The following ZMIZ2 variants were observed in gnomAD, a reference collection of about 807,000 sequenced individuals.
ZMIZ2 encodes the protein zinc finger MIZ domain-containing protein 2.
A neutral mutation model predicts 93.9 loss-of-function variants in ZMIZ2; 26 were observed. The observed-to-expected ratio is 0.28, with a 90% CI of 0.20 to 0.38. ZMIZ2 has a LOEUF of 0.38. Among genes scored for constraint, ZMIZ2 ranks in the 10% least tolerant of loss-of-function variants. ZMIZ2 has a pLI of 1.00. For synonymous variants in ZMIZ2, 485 were observed against 516.4 expected (o/e 0.94, Z 0.82); for missense variants, 1,023 against 1,235.0 (o/e 0.83, Z 2.57).
intron 1 of ZMIZ2, among the ~76,000 whole-genome samples, chr7:44,755,633 G>A (rs1027152210): frequency 6.6e-6 from 1 of 152,128 alleles, no homozygotes; most frequent in Non-Finnish European, 1.5e-5. Flanking sequence ...TGTGATCACC[G>A]CACCCCTGCA....
chr7:44,763,610 T>C lies in ZMIZ2; in HGVS notation c.1860+197T>C. On this transcript the variant is annotated intron_variant, in intron 13 of 18. Coordinates refer to ENST00000309315, the MANE Select transcript of ZMIZ2 (RefSeq NM_031449.4). This position sits in a 1 kb window ranked among gnomAD's most constrained non-coding sequence, Gnocchi z 5.6. ...AGGCTATTTTTTCTTCCAAATATAA[T>C]TGTCATTTTACTAACTTTTTTACTG... The C allele has an allele frequency of 1.5e-6, 1 of 681,994 alleles. No individual in the cohort carries two copies. The highest frequency in any genetic ancestry group is 2.9e-5 in the East Asian group (1 of 34,350). 42.2% of individuals were successfully genotyped at this position (681,994 alleles called of 1,614,324 possible). A position where few individuals can be genotyped will look rare whatever the true frequency, so the allele number is the denominator to read the frequency against.
chr7:44,760,571 C>T lies in ZMIZ2; in HGVS notation c.1218C>T (p.Asn406=), dbSNP rs765313527. 3 of 1,614,072 alleles carry T rather than the reference C, an allele frequency of 1.9e-6. No individual in the cohort carries two copies. The highest frequency in any genetic ancestry group is 1.7e-6 in the Non-Finnish European group (2 of 1,180,004). ...PFLPDLKPNL[N]SLHSSPSGSG... ...TGCCTGATCTCAAGCCCAACCTCAA[C>T]TCCTTGCACTCATCGCCCTCTGGTA... The change falls in exon 9 of 19, where the codon AAC becomes AAT. Residue 406 remains asparagine (N), a synonymous_variant. Coordinates refer to ENST00000309315, the MANE Select transcript of ZMIZ2 (RefSeq NM_031449.4).
In ZMIZ2 at chr7:44,760,545, T is replaced by A. The variant is rs760504115; in HGVS notation, c.1192T>A (p.Leu398Met). ...SPNQEVKSPF[L>M]PDLKPNLNSL... ...AAACCAAGAGGTCAAGTCTCCCTTCTTGCCTGATCTCAAGCCCAACCTCAA... is the reference window on the plus strand; with the variant it reads ...AAACCAAGAGGTCAAGTCTCCCTTCATGCCTGATCTCAAGCCCAACCTCAA... The change falls in exon 9 of 19, where the codon TTG (leucine) becomes ATG (methionine). Residue 398 changes from leucine (L) to methionine (M), a missense_variant. By Grantham distance (15) the Leu-to-Met change is conservative. Transcript: ENST00000309315. 1 of 1,614,106 alleles carries A rather than the reference T, an allele frequency of 6.2e-7. No individual in the cohort carries two copies. Among genetic ancestry groups the A allele is most frequent in the Non-Finnish European group, 8.5e-7 (1 of 1,180,008 alleles).
intron 18 of ZMIZ2, among the ~76,000 whole-genome samples, chr7:44,767,180 G>A (rs1791798490): frequency 6.6e-6 from 1 of 152,122 alleles, no homozygotes; most frequent in African/African-American, 2.4e-5. Context: ...TTCACCTTGG[G>A]GCATCACGGT....
chr7:44,765,413 G>A lies in ZMIZ2; in HGVS notation c.2076G>A (p.Lys692=). ...CCGTGAAGCCTGACATGCACATCAA[G>A]GAGGAGCCGGATGGGCCAGCACTGA... The part of the protein sequence containing the change: ...PVPVKPDMHI[K]EEPDGPALKR... The change falls in exon 16 of 19, where the codon AAG becomes AAA. Residue 692 remains lysine (K), a synonymous_variant. Coordinates refer to ENST00000309315, the MANE Select transcript of ZMIZ2 (RefSeq NM_031449.4). This position sits in a 1 kb window ranked among gnomAD's most constrained non-coding sequence, Gnocchi z 4.1. 3 of 1,612,210 alleles carry A rather than the reference G, an allele frequency of 1.9e-6. No homozygotes were observed. Among genetic ancestry groups the A allele is most frequent in the Non-Finnish European group, 1.7e-6 (2 of 1,180,000 alleles).
At position 44,763,435 on chromosome 7, in the gene ZMIZ2, T is replaced by C. The variant is rs1006816979; in HGVS notation, c.1860+22T>C. ...ACAGGTAGGTGGTTACTGCAGAGTC[T>C]TGCCGGAATTTGCTGCTGCTAAAAT... On this transcript the variant is annotated intron_variant, in intron 13 of 18. Transcript: ENST00000309315. The surrounding 1 kb of genome is among the most constrained non-coding windows in gnomAD (Gnocchi z 5.6). 1 of 1,611,936 alleles carries C rather than the reference T, an allele frequency of 6.2e-7. No individual in the cohort carries two copies. The highest frequency in any genetic ancestry group is 8.5e-7 in the Non-Finnish European group (1 of 1,178,386).
chr7:44,756,542 A>G lies in ZMIZ2; in HGVS notation c.165+3A>G, dbSNP rs1467601335. 6.2e-7 allele frequency: 1 copy of G among 1,613,898 alleles called. No individual in the cohort carries two copies. Among genetic ancestry groups the G allele is most frequent in the Non-Finnish European group, 8.5e-7 (1 of 1,179,974 alleles). Reference sequence around the variant, plus strand: ...TTGGCAACGCGACACAGAGCCAGGTAAGCACCCACTGGTGCCCCACCCCCG... The same window carrying G: ...TTGGCAACGCGACACAGAGCCAGGTGAGCACCCACTGGTGCCCCACCCCCG... On this transcript the variant is annotated splice_donor_region_variant and intron_variant, in intron 3 of 18. Coordinates refer to ENST00000309315, the MANE Select transcript of ZMIZ2 (RefSeq NM_031449.4).
In ZMIZ2 at chr7:44,756,289, G is replaced by GAA. The variant is rs1304043404; in HGVS notation, c.40_41insAA (p.Ala14GlufsTer60). ...CCCCATGAAACCTGCCCTGCCCCCT[G>GAA]CGCCACACGGGTGAGTGTGGGCTCC... On this transcript the variant is annotated frameshift_variant, in exon 2 of 19. Transcript: ENST00000309315. LOFTEE classifies it high-confidence loss of function. 1 of 1,613,860 alleles carries GAA rather than the reference G, an allele frequency of 6.2e-7. No individual in the cohort carries two copies. The highest frequency in any genetic ancestry group is 1.3e-5 in the African/African-American group (1 of 74,916).
chr7:44,759,866 A>G (rs1790990962), intron 7 of ZMIZ2: 1 of 521,784 alleles, frequency 1.9e-6, no homozygotes, highest in Non-Finnish European at 3.4e-6. Context: ...TTCTGGGTGC[A>G]TGGGCAGAGC....
chr7:44,761,599 C>G lies in ZMIZ2; in HGVS notation c.1385+6C>G. 1 of 1,613,940 alleles carries G rather than the reference C, an allele frequency of 6.2e-7. No homozygotes were observed. Among genetic ancestry groups the G allele is most frequent in the Non-Finnish European group, 8.5e-7 (1 of 1,179,948 alleles). On this transcript the variant is annotated splice_donor_region_variant and intron_variant, in intron 10 of 18. Transcript: ENST00000309315. The surrounding 1 kb of genome is among the most constrained non-coding windows in gnomAD (Gnocchi z 5.8). Reference sequence around the variant, plus strand: ...TACAAGACCCTGATAATGAGGTGAGCTCCGCCTGGCCCCCACCTGACCCCC... The same window carrying G: ...TACAAGACCCTGATAATGAGGTGAGGTCCGCCTGGCCCCCACCTGACCCCC...
Position 44,757,369 on chromosome 7 carries a change from C to G in ZMIZ2, c.369-9C>G, listed in dbSNP as rs762654910. ...CGCAGAGAGCGTGGCAATCCTGTGT[C>G]TCCTGCAGGTATGCAGGCGGCCCGG... On this transcript the variant is annotated splice_polypyrimidine_tract_variant and intron_variant, in intron 4 of 18. Transcript: ENST00000309315. 5 of 1,597,822 alleles carry G rather than the reference C, an allele frequency of 3.1e-6. No individual in the cohort carries two copies. In the South Asian group the frequency reaches 5.5e-5, roughly 18 times the overall value.
intron 7 of ZMIZ2, 158 bp downstream of exon 7, chr7:44,759,618 A>AGATGGGG: frequency 7.2e-6 from 1 of 138,440 alleles, no homozygotes; most frequent in Non-Finnish European, 1.3e-5. Context: ...GCTCTACAGG[A>AGATGGGG]GATGGGGGGT....
chr7:44,750,506 G>A (rs1790043538), intron 1 of ZMIZ2, among the ~76,000 whole-genome samples: 1 of 152,164 alleles, frequency 6.6e-6, no homozygotes, highest in African/African-American at 2.4e-5. Flanking sequence ...CTGCAATCTT[G>A]GAGACAGTGA....
At chr7:44,759,851 AC>A in intron 7 of ZMIZ2, 2 of 501,778 alleles carry the variant, frequency 4.0e-6, no homozygotes, top group South Asian at 4.8e-5. Flanking sequence ...CTGGCCATGT[AC>A]CCTTTCTGGG....
chr7:44,767,457 T>C, intron 18 of ZMIZ2, 59 bp from the exon 19 acceptor site: 8 of 1,363,654 alleles, frequency 5.9e-6, no homozygotes, highest in Non-Finnish European at 8.4e-6. Flanking sequence ...GACAGGATGG[T>C]CACTCAGGTG....
chr7:44,766,610 A>G lies in ZMIZ2; in HGVS notation c.2602A>G (p.Met868Val), dbSNP rs749486711. The change falls in exon 18 of 19, where the codon ATG becomes GTG. Residue 868 changes from methionine to valine, a missense_variant. Transcript: ENST00000309315. This position sits in a 1 kb window ranked among gnomAD's most constrained non-coding sequence, Gnocchi z 4.4. Reference sequence around the variant, plus strand: ...GGCCTTCAGTCCTGCCACAGGCGTGATGGGGCCCCCCAGCATGTCTGGAGC... The same window carrying G: ...GGCCTTCAGTCCTGCCACAGGCGTGGTGGGGCCCCCCAGCATGTCTGGAGC... ...ELAFSPATGV[M>V]GPPSMSGAGE... 30 of 1,613,268 alleles carry G rather than the reference A, an allele frequency of 1.9e-5. No homozygotes were observed. Among genetic ancestry groups the G allele is most frequent in the Non-Finnish European group, 2.4e-5 (28 of 1,180,006 alleles).
chr7:44,756,064 A>G (rs1371607938), intron 1 of ZMIZ2, 124 bp from the exon 2 acceptor site: 6 of 743,036 alleles, frequency 8.1e-6, no homozygotes, highest in African/African-American at 3.5e-5. Flanking sequence ...CTTGCCTGCC[A>G]TCAGAGCCCA....
At position 44,757,484 on chromosome 7, in the gene ZMIZ2, A is replaced by G; in HGVS notation, c.475A>G (p.Thr159Ala). 6.2e-7 allele frequency: 1 copy of G among 1,603,346 alleles called. No homozygotes were observed. The highest frequency in any genetic ancestry group is 8.5e-7 in the Non-Finnish European group (1 of 1,176,768). Residue 159 changes from threonine to alanine, a missense_variant, in exon 5 of 19, where the codon ACT becomes GCT. Transcript: ENST00000309315. ...TGCAGCTGTGGCTGCTGCGGCAGCC[A>G]CTGCCACCGCCACAGCCACAGCCAC... ...AAAAVAAAAA[T>A]ATATATATVA...
rs1180366585 is a variant in ZMIZ2 at position 44,763,048 on chromosome 7, A to G, written c.1702+62A>G. Reference sequence around the variant, plus strand: ...TCCCCATTCTGTGTGGCCCAAGCCCAACAATCCTCCTTGTGGGCACCTCCT... The same window carrying G: ...TCCCCATTCTGTGTGGCCCAAGCCCGACAATCCTCCTTGTGGGCACCTCCT... On this transcript the variant is annotated intron_variant, in intron 12 of 18. Transcript: ENST00000309315. The surrounding 1 kb of genome is among the most constrained non-coding windows in gnomAD (Gnocchi z 5.6). 1 of 1,534,886 alleles carries G rather than the reference A, an allele frequency of 6.5e-7. No homozygotes were observed. The highest frequency in any genetic ancestry group is 1.4e-5 in the African/African-American group (1 of 73,180).
Sources: gnomAD v4.1 joint callset for allele counts (sites outside exome capture counted in the v4.1 genomes callset) on GRCh38, gnomAD v4.1.1 for gene constraint, Gnocchi (gnomAD v3.1) non-coding constraint, MANE v1.5 for transcripts, NCBI Gene and HGNC (gene_info 2026-07-23, HGNC 2026-07-21) for gene names.